Variants in PROM1 observed in about 807,000 individuals in gnomAD.
PROM1 encodes the protein prominin-1.
In PROM1, 105 loss-of-function variants were observed where a neutral mutation model predicts 116.9. The observed-to-expected ratio is 0.90, with a 90% confidence interval of 0.77 to 1.06. The LOEUF (loss-of-function observed/expected upper bound fraction) is 1.06. Among genes scored for constraint, PROM1 ranks in the 50% least tolerant of loss-of-function variants. The pLI, the probability that PROM1 is intolerant of heterozygous loss-of-function variation, is 0.00. For synonymous variants in PROM1, 393 were observed against 387.0 expected (o/e 1.02, Z -0.18); for missense variants, 1,122 against 1,045.2 (o/e 1.07, Z -1.01).
chr4:15,989,694 C>A, intron 19 of PROM1, 38 bp downstream of exon 19: 1 of 1,505,048 alleles, frequency 6.6e-7, no homozygotes, highest in East Asian at 2.3e-5. Flanking sequence ...AGATTTTGCT[C>A]AGGTCACAGT....
At chr4:16,057,355 A>G (rs960426097) in intron 2 of PROM1, among the ~76,000 whole-genome samples, 7 of 152,368 alleles carry the variant, frequency 4.6e-5, no homozygotes, top group African/African-American at 1.7e-4. Context: ...GAGAGCCTTC[A>G]TCTCAATTAG....
chr4:16,076,826 C>T (rs1205912372), intron 1 of PROM1, among the ~76,000 whole-genome samples: 1 of 152,236 alleles, frequency 6.6e-6, no homozygotes, highest in African/African-American at 2.4e-5. Context: ...GCTGTGTCCA[C>T]TCACGGTTAA....
At position 16,016,946 on chromosome 4, in the gene PROM1, G is replaced by A. The variant is rs756390418; in HGVS notation, c.1003-706C>T. ...TGATCCTGGCCTGGACCTGAGACTG[G>A]AAAAAGAGAAGATAGTTATAAAAGG... On this transcript the variant is annotated intron_variant, in intron 9 of 27. Transcript: ENST00000447510. 3.4e-4 allele frequency among the ~76,000 whole-genome samples: 51 copies of A among 152,174 alleles called. 3 individuals are homozygous for A. The highest frequency in any genetic ancestry group is 1.0e-4 in the Non-Finnish European group (7 of 68,018).
intron 2 of PROM1, among the ~76,000 whole-genome samples, chr4:16,051,110 TAAAAG>T (rs1004483786): frequency 2.6e-4 from 40 of 152,222 alleles, no homozygotes; most frequent in African/African-American, 8.9e-4. Context: ...AGCTGCGTCT[TAAAAG>T]AAGAGTAGAA....
At chr4:15,992,413 A>C in intron 16 of PROM1, 22 bp from the exon 17 acceptor site, 1 of 1,609,626 alleles carries the variant, frequency 6.2e-7, no homozygotes, top group Non-Finnish European at 8.5e-7. Flanking sequence ...GGAAGTTACA[A>C]ATCAGTCCCT....
At chr4:15,973,330 C>G (rs555087364) in intron 26 of PROM1, among the ~76,000 whole-genome samples, 1 of 152,130 alleles carries the variant, frequency 6.6e-6, no homozygotes, top group South Asian at 2.1e-4. Context: ...GCCTGTAATC[C>G]CAGCTACTCA....
chr4:15,978,610 C>T (rs993557617), intron 26 of PROM1, among the ~76,000 whole-genome samples: 2 of 152,184 alleles, frequency 1.3e-5, no homozygotes, highest in Non-Finnish European at 1.5e-5. Context: ...CATGCACCAA[C>T]GTTAGACTCA....
At chr4:16,038,129 CT>C (rs1734344413) in intron 3 of PROM1, 1 of 152,206 alleles carries the variant, frequency 6.6e-6, no homozygotes, top group African/African-American at 2.4e-5. Context: ...GATAAGGTCC[CT>C]GCTATCTGTC....
chr4:16,021,451 C>A (rs1729862689), intron 8 of PROM1, among the ~76,000 whole-genome samples: 1 of 152,212 alleles, frequency 6.6e-6, no homozygotes, highest in Non-Finnish European at 1.5e-5. Flanking sequence ...TATATGTGAT[C>A]TCTTCAACAT....
chr4:16,033,586 C>CTTTTTTTTTTTTTTTTTTTTTTTTTTTTT (rs60492380), intron 4 of PROM1, 77 bp from the exon 5 acceptor site: 2 of 251,552 alleles, frequency 8.0e-6, no homozygotes, highest in Non-Finnish European at 1.3e-5. Flanking sequence ...GTACAAAGTT[C>CTTTTTTTTTTTTTTTTTTTTTTTTTTTTT]TTTTTTTTTT....
intron 26 of PROM1, among the ~76,000 whole-genome samples, chr4:15,977,624 A>G (rs959862212): frequency 6.6e-6 from 1 of 152,190 alleles, no homozygotes; most frequent in Admixed American, 6.5e-5. Context: ...TTAGAGACAG[A>G]GTCTCCCTCT....
At chr4:16,057,124 T>C (rs1052562096) in intron 2 of PROM1, among the ~76,000 whole-genome samples, 1 of 152,246 alleles carries the variant, frequency 6.6e-6, no homozygotes, top group African/African-American at 2.4e-5. Context: ...ATATTTGGAA[T>C]GGCTCTTTAA....
chr4:16,020,917 G>A (rs2677780), intron 8 of PROM1, among the ~76,000 whole-genome samples: 136,822 of 152,240 alleles, frequency 0.9, 61,809 homozygotes, highest in Middle Eastern at 0.95. Flanking sequence ...TGTATCTGAA[G>A]TAAGTGGAAA....
chr4:16,023,713 C>T (rs1052378763), intron 7 of PROM1, among the ~76,000 whole-genome samples: 16 of 152,182 alleles, frequency 1.1e-4, no homozygotes, highest in Non-Finnish European at 5.9e-5. Context: ...CGCACCTGGA[C>T]TGCACTCTGG....
At chr4:16,004,832 T>TTTTTTTCTTCCTTC (rs1203366908) in intron 13 of PROM1, among the ~76,000 whole-genome samples, 2 of 122,506 alleles carry the variant, frequency 1.6e-5, no homozygotes, top group East Asian at 2.4e-4. Context: ...TCTTTCTTTT[T>TTTTTTTCTTCCTTC]CTTCCTTCCT....
chr4:15,984,220 A>G, intron 23 of PROM1, 43 bp downstream of exon 23: 1 of 1,434,782 alleles, frequency 7.0e-7, no homozygotes, highest in Non-Finnish European at 9.7e-7. Context: ...ACAACCAAAG[A>G]TGATGGATTC....
chr4:15,977,484 C>T (rs554425230), intron 26 of PROM1, among the ~76,000 whole-genome samples: 1 of 152,354 alleles, frequency 6.6e-6, no homozygotes, highest in South Asian at 2.1e-4. Flanking sequence ...CCAGAGCACA[C>T]CTGGCTAATT....
chr4:15,969,680 G>A (rs1432484801), intron 27 of PROM1, among the ~76,000 whole-genome samples: 1 of 151,904 alleles, frequency 6.6e-6, no homozygotes, highest in Non-Finnish European at 1.5e-5. Context: ...TCCGTCTCCC[G>A]GGTTTAAGCC....
At position 16,076,159 on chromosome 4, in the gene PROM1, T is replaced by A. The variant is rs554035493; in HGVS notation, c.-212-41A>T. On this transcript the variant is annotated intron_variant, in intron 1 of 27. Transcript: ENST00000447510. ...ACAGCAGCAGAGTCATCAATGCGTG[T>A]AAACTGCCTGCACCTGGAGCTGCCC... 38 of 622,582 alleles carry A rather than the reference T, an allele frequency of 6.1e-5. No individual in the cohort carries two copies. In the African/African-American group the frequency reaches 6.6e-4, roughly 11 times the overall value. 38.6% of individuals were successfully genotyped at this position (622,582 alleles called of 1,614,324 possible).
Sources: allele counts gnomAD v4.1 joint callset (sites outside exome capture counted in the v4.1 genomes callset), GRCh38; gene constraint gnomAD v4.1.1; transcripts MANE v1.5; gene names NCBI Gene and HGNC (gene_info 2026-07-23, HGNC 2026-07-21).